The following VSTM2L variants were observed in gnomAD, a reference collection of about 807,000 sequenced individuals.
The protein encoded by VSTM2L is V-set and transmembrane domain-containing protein 2-like protein.
In VSTM2L, 9 loss-of-function variants were observed where a neutral mutation model predicts 19.9. The ratio of observed to expected loss-of-function variants is 0.45; its 90% CI spans 0.27 to 0.79. The LOEUF (loss-of-function observed/expected upper bound fraction) is 0.79, where lower values mean the gene tolerates loss of function less well. VSTM2L is among the 30% of genes least tolerant of loss of function. The pLI is 0.15. For synonymous variants in VSTM2L, 127 were observed against 133.8 expected, an observed-to-expected ratio of 0.95 and a Z score of 0.35; for missense variants, 286 against 295.5, an observed-to-expected ratio of 0.97 and a Z score of 0.24.
intron 1 of VSTM2L, among the ~76,000 whole-genome samples, chr20:37,903,875 G>A (rs1426946210): frequency 2.0e-5 from 3 of 152,072 alleles, no homozygotes; most frequent in African/African-American, 7.2e-5. Flanking sequence ...GCGCCGGTGG[G>A]CTCACTCTGC....
At chr20:37,912,646 G>A (rs1398199540) in intron 1 of VSTM2L, among the ~76,000 whole-genome samples, 1 of 152,226 alleles carries the variant, frequency 6.6e-6, no homozygotes, top group African/African-American at 2.4e-5. Flanking sequence ...CCTGCCACCT[G>A]CACACTGGTG....
At chr20:37,920,389 G>A (rs1350851711) in intron 1 of VSTM2L, among the ~76,000 whole-genome samples, 1 of 152,256 alleles carries the variant, frequency 6.6e-6, no homozygotes, top group Non-Finnish European at 1.5e-5. Context: ...CGGGGCTGCT[G>A]GGCTGGCCCG....
At position 37,944,940 on chromosome 20, in the gene VSTM2L, T is replaced by C; in HGVS notation, c.*687T>C. On this transcript the variant is annotated 3_prime_UTR_variant, in exon 4 of 4. Transcript: ENST00000373461. Reference sequence around the variant, plus strand: ...ACGGCGAGTCAGAAGGGAGGGGCCTTTCCCTCGGACCCATGGCCCCAGGCA... The same window carrying C: ...ACGGCGAGTCAGAAGGGAGGGGCCTCTCCCTCGGACCCATGGCCCCAGGCA... 3 of 985,844 alleles carry C rather than the reference T, an allele frequency of 3.0e-6. No homozygotes were observed. The highest frequency in any genetic ancestry group is 3.6e-6 in the Non-Finnish European group (3 of 829,988). The allele number at this position is 985,844 out of a possible 1,614,324, so 61.1% of individuals were successfully genotyped here.
intron 3 of VSTM2L, among the ~76,000 whole-genome samples, chr20:37,943,051 G>T (rs1260660961): frequency 1.3e-5 from 2 of 151,208 alleles, no homozygotes; most frequent in African/African-American, 4.9e-5. Context: ...TGCAACCTCC[G>T]CCTCCTGGGT....
chr20:37,924,230 G>A (rs2072867599), intron 1 of VSTM2L, among the ~76,000 whole-genome samples: 1 of 152,280 alleles, frequency 6.6e-6, no homozygotes, highest in South Asian at 2.1e-4. Context: ...CTCCAGCCTG[G>A]ATGACAGAGT....
At position 37,945,030 on chromosome 20, in the gene VSTM2L, G is replaced by A. The variant is rs1438522208; in HGVS notation, c.*777G>A. On this transcript the variant is annotated 3_prime_UTR_variant, in exon 4 of 4. Transcript: ENST00000373461. ...GCTCTCCCAGGAGTCCCCCTCTGCC[G>A]GCCCCCCAATGCCCCAGCTCCCTCT... 3 of 985,778 alleles carry A rather than the reference G, an allele frequency of 3.0e-6. No homozygotes were observed. The highest frequency in any genetic ancestry group is 9.4e-5 in the South Asian group (2 of 21,282). The allele number at this position is 985,778 out of a possible 1,614,324, so 61.1% of individuals were successfully genotyped here.
chr20:37,917,766 G>A (rs73908019), intron 1 of VSTM2L, among the ~76,000 whole-genome samples: 3,738 of 152,278 alleles, frequency 0.025, 162 homozygotes, highest in African/African-American at 0.083. Flanking sequence ...TGAGCTCTGC[G>A]GAGCCTGGGG....
chr20:37,918,155 A>T (rs901957861), intron 1 of VSTM2L, among the ~76,000 whole-genome samples: 2 of 152,302 alleles, frequency 1.3e-5, no homozygotes, highest in African/African-American at 4.8e-5. Flanking sequence ...CCCAAGAGCC[A>T]CACTGGAAGA....
chr20:37,913,321 C>T (rs2072791590), intron 1 of VSTM2L, among the ~76,000 whole-genome samples: 1 of 152,208 alleles, frequency 6.6e-6, no homozygotes, highest in Non-Finnish European at 1.5e-5. Context: ...TCTCTGGCCC[C>T]AGGCAGAAGT....
chr20:37,935,209 T>C (rs1343873909), intron 3 of VSTM2L, among the ~76,000 whole-genome samples: 1 of 152,210 alleles, frequency 6.6e-6, no homozygotes, highest in Non-Finnish European at 1.5e-5. Flanking sequence ...TCAGCATGAA[T>C]GTGCAATTAC....
chr20:37,936,368 G>A (rs950628458), intron 3 of VSTM2L, among the ~76,000 whole-genome samples: 29 of 152,180 alleles, frequency 1.9e-4, no homozygotes, highest in African/African-American at 6.8e-4. Context: ...CGATTTTAGT[G>A]GAATGTCTCC....
intron 1 of VSTM2L, among the ~76,000 whole-genome samples, chr20:37,914,928 G>T (rs1356978062): frequency 6.6e-6 from 1 of 152,196 alleles, no homozygotes; most frequent in Non-Finnish European, 1.5e-5. Context: ...GGCCCGAGGT[G>T]GGGAAGGCGG....
At chr20:37,926,522 A>T (rs973965667) in intron 1 of VSTM2L, among the ~76,000 whole-genome samples, 2 of 152,226 alleles carry the variant, frequency 1.3e-5, no homozygotes, top group African/African-American at 4.8e-5. Flanking sequence ...GCCTGGCGAA[A>T]GAGCAAGACT....
chr20:37,943,661 G>A (rs2072987114), intron 3 of VSTM2L, among the ~76,000 whole-genome samples: 1 of 151,980 alleles, frequency 6.6e-6, no homozygotes, highest in Non-Finnish European at 1.5e-5. Context: ...ATCCCCTGGG[G>A]GTGGGCAGCA....
At chr20:37,921,219 C>A (rs149822435) in intron 1 of VSTM2L, among the ~76,000 whole-genome samples, 1 of 152,190 alleles carries the variant, frequency 6.6e-6, no homozygotes, top group Admixed American at 6.5e-5. Context: ...CAGAGGACTA[C>A]CTGTGAGTCA....
chr20:37,937,662 G>T (rs2122975573), intron 3 of VSTM2L, among the ~76,000 whole-genome samples: 1 of 152,316 alleles, frequency 6.6e-6, no homozygotes, highest in South Asian at 2.1e-4. Flanking sequence ...GTTAAACCAA[G>T]ATGACTCTGG....
intron 1 of VSTM2L, among the ~76,000 whole-genome samples, chr20:37,930,230 G>C (rs1453242947): frequency 6.6e-6 from 1 of 152,212 alleles, no homozygotes; most frequent in Non-Finnish European, 1.5e-5. Context: ...TTTCCAGATG[G>C]AGTCGTTTGT....
rs2072730136 is a variant in VSTM2L at position 37,903,127 on chromosome 20, G to C, written c.-224G>C. ...GCCTTCCGCGGAAGGGAAGAGTCCCGCAGTCGGAGGCGGCCGGCTGGGCGT... is the reference window on the plus strand; with the variant it reads ...GCCTTCCGCGGAAGGGAAGAGTCCCCCAGTCGGAGGCGGCCGGCTGGGCGT... On this transcript the variant is annotated 5_prime_UTR_variant, in exon 1 of 4. Transcript: ENST00000373461. The C allele has an allele frequency of 2.4e-6, 1 of 424,976 alleles. No homozygotes were observed. Among genetic ancestry groups the C allele is most frequent in the Non-Finnish European group, 3.7e-6 (1 of 272,438 alleles). 26.3% of individuals were successfully genotyped at this position (424,976 alleles called of 1,614,324 possible).
intron 1 of VSTM2L, among the ~76,000 whole-genome samples, chr20:37,904,406 C>T (rs940357319): frequency 3.3e-5 from 5 of 152,238 alleles, no homozygotes; most frequent in Non-Finnish European, 7.3e-5. Context: ...GGGGAGCAGA[C>T]AAGCATTCCC....
Sources: allele counts gnomAD v4.1 joint callset (sites outside exome capture counted in the v4.1 genomes callset), GRCh38; gene constraint gnomAD v4.1.1; transcripts MANE v1.5; gene names NCBI Gene and HGNC (gene_info 2026-07-23, HGNC 2026-07-21).